PLD5: variants seen among roughly 807,000 people sequenced by gnomAD.
PLD5 encodes the protein inactive phospholipase D5.
Under a neutral mutation model 61.1 loss-of-function variants are expected in PLD5, and 36 were observed. The ratio of observed to expected loss-of-function variants is 0.59; its 90% CI spans 0.45 to 0.78. The LOEUF (loss-of-function observed/expected upper bound fraction) is 0.78, where lower values mean the gene tolerates loss of function less well. PLD5 is among the 30% of genes least tolerant of loss of function. PLD5 has a pLI of 0.00. For missense variants in PLD5, 515 were observed against 644.4 expected, an observed-to-expected ratio of 0.80 and a Z score of 2.17; for synonymous variants, 243 against 242.8, an observed-to-expected ratio of 1.00 and a Z score of -0.01.
chr1:242,298,277 T>A (rs1675828674), intron 2 of PLD5, among the ~76,000 whole-genome samples: 1 of 152,230 alleles, frequency 6.6e-6, no homozygotes, highest in Admixed American at 6.5e-5. Context: ...ACAACTATGG[T>A]TTGTTTTCGG....
intron 4 of PLD5, among the ~76,000 whole-genome samples, chr1:242,257,611 A>T (rs1673147700): frequency 6.6e-6 from 1 of 152,224 alleles, no homozygotes; most frequent in Non-Finnish European, 1.5e-5. Flanking sequence ...AAAATTGCTA[A>T]GGAAGTAGAT....
chr1:242,529,777 ATCTTCCT>A, the PLD5 span, among the ~76,000 whole-genome samples: 1 of 74,398 alleles, frequency 1.3e-5, no homozygotes, highest in Non-Finnish European at 2.6e-5. Flanking sequence ...TGGCACTGGG[ATCTTCCT>A]TCCTTCCTTC....
chr1:242,332,074 CCCCT>C (rs1254548886), intron 2 of PLD5, among the ~76,000 whole-genome samples: 4 of 151,658 alleles, frequency 2.6e-5, no homozygotes, highest in African/African-American at 9.7e-5. Context: ...GTGTGATGTT[CCCCT>C]CCCTGTGTCC....
chr1:242,215,414 G>C (rs1023764888), intron 5 of PLD5, among the ~76,000 whole-genome samples: 4 of 152,144 alleles, frequency 2.6e-5, no homozygotes, highest in African/African-American at 7.2e-5. Context: ...TATGGGTAAA[G>C]ACCCGGCAAC....
intron 1 of PLD5, among the ~76,000 whole-genome samples, chr1:242,414,829 A>C (rs1378306840): frequency 1.3e-5 from 2 of 152,218 alleles, no homozygotes; most frequent in Non-Finnish European, 2.9e-5. Flanking sequence ...CATCCTAAGC[A>C]AGGAAAAAAG....
At position 242,086,485 on chromosome 1, in the gene PLD5, A is replaced by G. The variant is rs1045286256; in HGVS notation, c.*3369T>C. ...TCCACTTCCTCTCCAATGGTTGGACAAGCAGAGATTCAATTATTTGATAGG... is the reference window on the plus strand; with the variant it reads ...TCCACTTCCTCTCCAATGGTTGGACGAGCAGAGATTCAATTATTTGATAGG... On this transcript the variant is annotated 3_prime_UTR_variant, in exon 10 of 10. Transcript: ENST00000536534. 1 of 152,174 alleles carries G rather than the reference A, an allele frequency of 6.6e-6. No individual in the cohort carries two copies. The highest frequency in any genetic ancestry group is 1.5e-5 in the Non-Finnish European group (1 of 68,060). The allele number at this position is 152,174 out of a possible 1,614,324, so 9.4% of individuals were successfully genotyped here.
At chr1:242,157,294 A>G (rs1167871394) in intron 5 of PLD5, among the ~76,000 whole-genome samples, 3 of 152,232 alleles carry the variant, frequency 2.0e-5, no homozygotes. Flanking sequence ...GCATTGGGTT[A>G]GAACATGCTC....
chr1:242,162,310 T>C (rs1400814377), intron 5 of PLD5, among the ~76,000 whole-genome samples: 1 of 152,188 alleles, frequency 6.6e-6, no homozygotes. Context: ...CTGAGCATTG[T>C]CACTGCTAAA....
chr1:242,348,013 G>T, intron 2 of PLD5, 93 bp downstream of exon 2: 1 of 1,480,204 alleles, frequency 6.8e-7, no homozygotes. Flanking sequence ...GGATGACTAC[G>T]TGTGTTTATG....
intron 4 of PLD5, among the ~76,000 whole-genome samples, chr1:242,242,808 G>C (rs1672141558): frequency 6.6e-6 from 1 of 152,166 alleles, no homozygotes; most frequent in Admixed American, 6.5e-5. Flanking sequence ...TTTGGTGAGT[G>C]TTTTAGAAAG....
chr1:242,167,078 GTAATAA>G (rs377540462), intron 5 of PLD5, among the ~76,000 whole-genome samples: 9,194 of 58,552 alleles, frequency 0.16, 377 homozygotes, highest in Non-Finnish European at 0.2. Flanking sequence ...AATAATAATA[GTAATAA>G]TAATAATAAT....
chr1:242,421,117 T>C (rs1054888152), intron 1 of PLD5, among the ~76,000 whole-genome samples: 2 of 144,568 alleles, frequency 1.4e-5, no homozygotes, highest in African/African-American at 5.3e-5. Flanking sequence ...GAGGTGAAGG[T>C]TGCAGTGATC....
intron 2 of PLD5, among the ~76,000 whole-genome samples, chr1:242,307,001 T>A (rs887272861): frequency 1.3e-5 from 2 of 152,272 alleles, no homozygotes; most frequent in African/African-American, 4.8e-5. Flanking sequence ...TCTTGTCTCA[T>A]TATCAATTTG....
intron 1 of PLD5, among the ~76,000 whole-genome samples, chr1:242,357,589 G>A (rs1422748230): frequency 3.3e-5 from 5 of 151,260 alleles, no homozygotes; most frequent in Non-Finnish European, 2.9e-5. Flanking sequence ...AGGTTCAAGC[G>A]ATTCTTCTGC....
chr1:242,500,261 G>T (rs776695815), intron 1 of PLD5, among the ~76,000 whole-genome samples: 12 of 152,116 alleles, frequency 7.9e-5, no homozygotes, highest in Non-Finnish European at 1.6e-4. Context: ...GACACTTCTA[G>T]GTGCATACCA....
At chr1:242,207,761 TATTTA>T (rs1424868184) in intron 5 of PLD5, among the ~76,000 whole-genome samples, 1 of 89,546 alleles carries the variant, frequency 1.1e-5, no homozygotes, top group Non-Finnish European at 2.0e-5. Flanking sequence ...TATATATTTA[TATTTA>T]TATATATTTA....
chr1:242,420,945 G>T (rs926603100), intron 1 of PLD5, among the ~76,000 whole-genome samples: 1 of 152,124 alleles, frequency 6.6e-6, no homozygotes, highest in Admixed American at 6.6e-5. Flanking sequence ...ATTTTGGAAG[G>T]CCGAGCCAGG....
At chr1:242,418,112 G>A (rs776727516) in intron 1 of PLD5, among the ~76,000 whole-genome samples, 15 of 152,074 alleles carry the variant, frequency 9.9e-5, no homozygotes, top group Non-Finnish European at 1.9e-4. Context: ...GGTGAAAAAT[G>A]GCCAGATTCT....
chr1:242,103,435 T>G (rs906993463), intron 8 of PLD5, among the ~76,000 whole-genome samples: 6 of 152,228 alleles, frequency 3.9e-5, no homozygotes, highest in African/African-American at 7.2e-5. Flanking sequence ...TTTTGAAAAC[T>G]CCACCAAGCG....
Sources: gnomAD v4.1 joint callset for allele counts (sites outside exome capture counted in the v4.1 genomes callset) on GRCh38, gnomAD v4.1.1 for gene constraint, MANE v1.5 for transcripts, NCBI Gene and HGNC (gene_info 2026-07-23, HGNC 2026-07-21) for gene names.